PTPRD: variants seen among roughly 807,000 people sequenced by gnomAD.
The protein encoded by PTPRD is receptor-type tyrosine-protein phosphatase delta.
A neutral mutation model predicts 214.5 loss-of-function variants in PTPRD; 34 were observed. The observed-to-expected ratio is 0.16, with a 90% CI of 0.12 to 0.21. The LOEUF is 0.21. Ranked by LOEUF, PTPRD falls within the 10% of genes least tolerant of loss-of-function variation. PTPRD has a pLI of 1.00. For synonymous variants in PTPRD, 1,128 were observed against 845.7 expected (o/e 1.33, Z -5.79); for missense variants, 2,545 against 2,398.7 (o/e 1.06, Z -1.27).
intron 2 of PTPRD, among the ~76,000 whole-genome samples, chr9:10,356,703 CAG>C (rs1185568970): frequency 6.6e-6 from 1 of 150,724 alleles, no homozygotes; most frequent in Non-Finnish European, 1.5e-5. Flanking sequence ...TTTTTTGAGA[CAG>C]AGTCTCACTC....
intron 21 of PTPRD, 128 bp from the exon 22 acceptor site, chr9:8,507,562 T>G: frequency 9.0e-7 from 1 of 1,108,712 alleles, no homozygotes; most frequent in East Asian, 2.4e-5. Context: ...GAAAACAAGC[T>G]CCTTTACCTT....
At chr9:9,290,448 T>C (rs1595254395) in intron 9 of PTPRD, among the ~76,000 whole-genome samples, 1 of 151,728 alleles carries the variant, frequency 6.6e-6, no homozygotes, top group Middle Eastern at 3.4e-3. Flanking sequence ...TATGCAGACA[T>C]TCTCTAGTTG....
chr9:10,599,945 T>C (rs946399454), intron 2 of PTPRD, among the ~76,000 whole-genome samples: 1 of 151,768 alleles, frequency 6.6e-6, no homozygotes, highest in Non-Finnish European at 1.5e-5. Flanking sequence ...TATGGGTTCT[T>C]TAGATGATAG....
At chr9:8,560,425 T>G (rs1312024825) in intron 14 of PTPRD, among the ~76,000 whole-genome samples, 4 of 137,030 alleles carry the variant, frequency 2.9e-5, no homozygotes, top group African/African-American at 1.2e-4. Context: ...CAGTACCAAC[T>G]TAAAAAAAAA....
Position 8,352,902 on chromosome 9 carries a change from A to G in PTPRD, c.4662-10924T>C, listed in dbSNP as rs533751847. Among the ~76,000 whole-genome samples, 8 of 152,148 alleles carry G rather than the reference A, an allele frequency of 5.3e-5. No homozygotes were observed. The East Asian group carries it at 1.6e-3, about 30-fold the overall frequency. On this transcript the variant is annotated intron_variant, in intron 39 of 45. Coordinates refer to ENST00000381196, the MANE Select transcript of PTPRD (RefSeq NM_002839.4). ...CTGAGGCGGACGGATCACGAAGTTA[A>G]GAGATTGAGACCATCCTGGCCAACA...
intron 14 of PTPRD, among the ~76,000 whole-genome samples, chr9:8,594,693 G>C (rs941788509): frequency 1.3e-5 from 2 of 151,890 alleles, no homozygotes; most frequent in Non-Finnish European, 2.9e-5. Context: ...TCTTGCCTGC[G>C]GCCATGTAAA....
chr9:8,409,946 C>A (rs1008794455), intron 35 of PTPRD, among the ~76,000 whole-genome samples: 1 of 152,180 alleles, frequency 6.6e-6, no homozygotes, highest in African/African-American at 2.4e-5. Flanking sequence ...GAAACAGTAT[C>A]TTTTCACATA....
At chr9:8,777,334 T>C (rs765126010) in intron 11 of PTPRD, among the ~76,000 whole-genome samples, 1 of 152,034 alleles carries the variant, frequency 6.6e-6, no homozygotes, top group African/African-American at 2.4e-5. Context: ...GACAAATTAA[T>C]ACATTTGTCT....
intron 35 of PTPRD, among the ~76,000 whole-genome samples, chr9:8,432,833 T>C (rs1422466640): frequency 6.6e-6 from 1 of 152,172 alleles, no homozygotes; most frequent in Non-Finnish European, 1.5e-5. Context: ...TAATCATGGA[T>C]CATCATCATG....
chr9:8,817,510 C>G (rs2096944945), intron 11 of PTPRD, among the ~76,000 whole-genome samples: 1 of 151,954 alleles, frequency 6.6e-6, no homozygotes, highest in African/African-American at 2.4e-5. Flanking sequence ...ACCTGTAGTG[C>G]CAGCCAGCTC....
intron 4 of PTPRD, among the ~76,000 whole-genome samples, chr9:10,018,308 A>G (rs1421581942): frequency 2.0e-5 from 3 of 152,060 alleles, no homozygotes; most frequent in East Asian, 1.9e-4. Flanking sequence ...TCTCTTTTAT[A>G]TATTCCAATA....
chr9:9,872,046 A>G (rs1257011252), intron 5 of PTPRD, among the ~76,000 whole-genome samples: 2 of 152,090 alleles, frequency 1.3e-5, no homozygotes, highest in Non-Finnish European at 2.9e-5. Flanking sequence ...AGTACCACAG[A>G]CTATTGTCTG....
rs59940993 is a variant in PTPRD at position 8,663,928 on chromosome 9, G to A, written c.65-27084C>T. On this transcript the variant is annotated intron_variant, in intron 12 of 45. Coordinates refer to ENST00000381196, the MANE Select transcript of PTPRD (RefSeq NM_002839.4). ...AAAAAAGCAAGCTTAAATAATTGGC[G>A]GAAAATGTTTTTTAAATCACTGTGT... Among the ~76,000 whole-genome samples the A allele has an allele frequency of 8.4e-3, 1,264 of 150,864 alleles. 22 individuals carry two copies. The highest frequency in any genetic ancestry group is 0.029 in the African/African-American group (1,171 of 41,044).
chr9:8,718,547 C>T (rs1292089371), intron 12 of PTPRD, among the ~76,000 whole-genome samples: 1 of 152,184 alleles, frequency 6.6e-6, no homozygotes, highest in African/African-American at 2.4e-5. Context: ...GGGGCTCTCA[C>T]TCTTTCCCCT....
In PTPRD at chr9:8,697,417, CTTTT is replaced by C. The variant is rs752677458; in HGVS notation, c.64+36359_64+36362del. Among the ~76,000 whole-genome samples the C allele has an allele frequency of 9.5e-5, 6 of 63,240 alleles. No homozygotes were observed. In the South Asian group the frequency reaches 3.0e-3, roughly 31 times the overall value. The allele number at this position is 63,240 out of a possible 152,430, so 41.5% of individuals were successfully genotyped here. A position where few individuals can be genotyped will look rare whatever the true frequency, so the allele number is the denominator to read the frequency against. ...TTTATTATTTATTTATTTTTATGTA[CTTTT>C]TTTTTTTTTTTTTTTTTTTGAGACA... On this transcript the variant is annotated intron_variant, in intron 12 of 45. Coordinates refer to ENST00000381196, the MANE Select transcript of PTPRD (RefSeq NM_002839.4).
intron 44 of PTPRD, among the ~76,000 whole-genome samples, chr9:8,326,124 G>A (rs1728250052): frequency 6.6e-6 from 1 of 152,214 alleles, no homozygotes; most frequent in Non-Finnish European, 1.5e-5. Flanking sequence ...GGAGCAGTGA[G>A]AGAGGGCATC....
rs144447934 is a variant in PTPRD at position 9,724,213 on chromosome 9, C to T, written c.-287+10320G>A. On this transcript the variant is annotated intron_variant, in intron 7 of 45. Transcript: ENST00000381196. The stretch of plus-strand genomic sequence containing the variant: ...TTTTGGGGATCACCTTTAAAGTTGT[C>T]TCTGTTTCAATGTACCTGTTCTTTT... Among the ~76,000 whole-genome samples the T allele has an allele frequency of 5.6e-3, 846 of 152,174 alleles. 5 individuals are homozygous for T. The highest frequency in any genetic ancestry group is 0.02 in the African/African-American group (814 of 41,538).
chr9:9,266,189 G>A (rs1042734567), intron 9 of PTPRD, among the ~76,000 whole-genome samples: 17 of 151,338 alleles, frequency 1.1e-4, no homozygotes, highest in African/African-American at 3.9e-4. Flanking sequence ...AAAGGATGTA[G>A]CAATTTTAAA....
chr9:9,709,896 T>C (rs1196871828), intron 7 of PTPRD, among the ~76,000 whole-genome samples: 2 of 152,072 alleles, frequency 1.3e-5, no homozygotes, highest in East Asian at 3.8e-4. Context: ...TTTAATTAAA[T>C]CCCATTAATA....
Sources: gnomAD v4.1 joint callset for allele counts (sites outside exome capture counted in the v4.1 genomes callset) on GRCh38, gnomAD v4.1.1 for gene constraint, MANE v1.5 for transcripts, NCBI Gene and HGNC (gene_info 2026-07-23, HGNC 2026-07-21) for gene names.